Variants in PROCR observed in about 807,000 individuals in gnomAD.
PROCR encodes endothelial protein C receptor.
A neutral mutation model predicts 24.2 loss-of-function variants in PROCR; 22 were observed. The observed-to-expected ratio is 0.91, with a 90% CI of 0.65 to 1.30. The LOEUF is 1.30. Ranked by LOEUF, PROCR falls within the 50% of genes most tolerant of loss-of-function variation. PROCR has a pLI of 0.00. For synonymous variants in PROCR, 137 were observed against 139.2 expected (o/e 0.98, Z 0.11); for missense variants, 288 against 307.7 (o/e 0.94, Z 0.48).
chr20:35,213,988 TTGC>T (rs1363578621), intron 1 of PROCR, among the ~76,000 whole-genome samples: 1 of 151,970 alleles, frequency 6.6e-6, no homozygotes, highest in East Asian at 1.9e-4. Flanking sequence ...GGCAAGAGAA[TTGC>T]TCCAACCCAG....
At chr20:35,210,179 T>C (rs1478053094) in intron 1 of PROCR, among the ~76,000 whole-genome samples, 4 of 152,086 alleles carry the variant, frequency 2.6e-5, no homozygotes, top group African/African-American at 9.7e-5. Flanking sequence ...TGAGCTATAA[T>C]CATGCCACTA....
chr20:35,185,604 G>A (rs1049799666), intron 1 of PROCR, among the ~76,000 whole-genome samples: 13 of 152,172 alleles, frequency 8.5e-5, no homozygotes, highest in African/African-American at 2.9e-4. Context: ...GGAGATTAGA[G>A]ACTATTATTC....
At chr20:35,179,212 G>A (rs1272533608), downstream of PROCR, among the ~76,000 whole-genome samples, 4 of 132,762 alleles carry the variant, frequency 3.0e-5, no homozygotes, top group African/African-American at 1.1e-4. Context: ...CAGCCTTGGC[G>A]ACAGAGTGAG....
At chr20:35,206,031 A>C (rs1355449753) in intron 1 of PROCR, among the ~76,000 whole-genome samples, 2 of 150,764 alleles carry the variant, frequency 1.3e-5, no homozygotes, top group Middle Eastern at 3.4e-3. Flanking sequence ...ATTTTTAAAA[A>C]ATTTTATTTT....
chr20:35,184,665 A>G (rs1477102012), intron 1 of PROCR, among the ~76,000 whole-genome samples: 1 of 152,128 alleles, frequency 6.6e-6, no homozygotes, highest in Non-Finnish European at 1.5e-5. Flanking sequence ...ACGCCACTGC[A>G]CTCCAGCCTG....
intron 1 of PROCR, among the ~76,000 whole-genome samples, chr20:35,199,759 A>C (rs1173069558): frequency 1.3e-5 from 2 of 152,078 alleles, no homozygotes; most frequent in South Asian, 2.1e-4. Flanking sequence ...AAAAAAAAAA[A>C]AAAACATTTC....
At chr20:35,200,868 G>A (rs977937196) in intron 1 of PROCR, among the ~76,000 whole-genome samples, 9 of 152,028 alleles carry the variant, frequency 5.9e-5, no homozygotes, top group African/African-American at 9.7e-5. Context: ...AGTTGGTCTC[G>A]AACTCCCAAC....
chr20:35,186,877 TG>T (rs1335776151), intron 1 of PROCR, among the ~76,000 whole-genome samples: 1 of 148,730 alleles, frequency 6.7e-6, no homozygotes, highest in Non-Finnish European at 1.5e-5. Flanking sequence ...GGCGTGAACC[TG>T]GGAGGCGGAG....
chr20:35,215,098 G>A (rs1243990369), intron 1 of PROCR, among the ~76,000 whole-genome samples: 2 of 151,902 alleles, frequency 1.3e-5, no homozygotes, highest in African/African-American at 4.8e-5. Context: ...TAGTAGAAAC[G>A]GGGTTTCACC....
chr20:35,214,318 T>TA (rs2060372862), intron 1 of PROCR, among the ~76,000 whole-genome samples: 1 of 152,222 alleles, frequency 6.6e-6, no homozygotes, highest in Non-Finnish European at 1.5e-5. Context: ...GCCTTTTTTT[T>TA]ACCACTTAAC....
At chr20:35,191,905 GA>G (rs769941114) in intron 1 of PROCR, among the ~76,000 whole-genome samples, 5 of 152,166 alleles carry the variant, frequency 3.3e-5, no homozygotes, top group Non-Finnish European at 7.4e-5. Context: ...ACCATGGGGG[GA>G]AACAAAGTTT....
chr20:35,197,542 G>A (rs947237663), intron 1 of PROCR, among the ~76,000 whole-genome samples: 73 of 152,150 alleles, frequency 4.8e-4, no homozygotes, highest in African/African-American at 1.6e-3. Flanking sequence ...GAAGAGTCAC[G>A]TCTGTGTGCG....
intron 1 of PROCR, among the ~76,000 whole-genome samples, chr20:35,208,819 A>G (rs1199184299): frequency 6.6e-6 from 1 of 152,080 alleles, no homozygotes; most frequent in Non-Finnish European, 1.5e-5. Flanking sequence ...TAAAAATACT[A>G]AAATTAGCCG....
chr20:35,176,803 G>A lies in PROCR; in HGVS notation c.707G>A (p.Arg236Gln), dbSNP rs141445104. The A allele has an allele frequency of 6.3e-5, 102 of 1,613,950 alleles. No homozygotes were observed. The African/African-American group carries it at 8.3e-4, about 13-fold the overall frequency. Residue 236 changes from arginine (R) to glutamine (Q), a missense_variant, in exon 4 of 4, where the codon CGG (arginine) becomes CAG (glutamine). Physicochemically the swap from Arg to Gln is conservative, Grantham distance 43. Coordinates refer to ENST00000216968, the MANE Select transcript of PROCR (RefSeq NM_006404.5). ...AVGIFLCTGG[R>Q]RC ...GGCATCTTCCTGTGCACAGGTGGACGGCGATGTTAATTACTCTCCAGCCCC... is the reference window on the plus strand; with the variant it reads ...GGCATCTTCCTGTGCACAGGTGGACAGCGATGTTAATTACTCTCCAGCCCC...
At chr20:35,197,301 T>A (rs1043017589) in intron 1 of PROCR, among the ~76,000 whole-genome samples, 1 of 152,198 alleles carries the variant, frequency 6.6e-6, no homozygotes, top group Non-Finnish European at 1.5e-5. Flanking sequence ...TGATCTGTGA[T>A]CAGTGATCTT....
At chr20:35,173,676 C>T (rs1445940494) in intron 1 of PROCR, among the ~76,000 whole-genome samples, 2 of 151,922 alleles carry the variant, frequency 1.3e-5, no homozygotes, top group African/African-American at 2.4e-5. Flanking sequence ...GTGATCCGCC[C>T]GCCTCGGCCT....
chr20:35,185,836 T>C (rs2086121103), intron 1 of PROCR, among the ~76,000 whole-genome samples: 1 of 152,076 alleles, frequency 6.6e-6, no homozygotes, highest in Non-Finnish European at 1.5e-5. Flanking sequence ...AACTTACTCA[T>C]GTAACCAAAT....
chr20:35,206,120 G>C (rs1459806072), intron 1 of PROCR, among the ~76,000 whole-genome samples: 1 of 151,322 alleles, frequency 6.6e-6, no homozygotes, highest in Non-Finnish European at 1.5e-5. Flanking sequence ...TGATCCTCCT[G>C]CTCAGCCTCC....
intron 1 of PROCR, among the ~76,000 whole-genome samples, chr20:35,185,614 C>T (rs1039762873): frequency 2.0e-5 from 3 of 152,094 alleles, no homozygotes; most frequent in African/African-American, 7.2e-5. Context: ...GACTATTATT[C>T]TAAGTGAAGT....
Sources: gnomAD v4.1 joint callset for allele counts (sites outside exome capture counted in the v4.1 genomes callset) on GRCh38, gnomAD v4.1.1 for gene constraint, MANE v1.5 for transcripts, NCBI Gene and HGNC (gene_info 2026-07-23, HGNC 2026-07-21) for gene names.